Variants in NAAA observed in about 807,000 individuals in gnomAD.
NAAA encodes the protein N-acylethanolamine acid amidase.
Under a neutral mutation model 44.8 loss-of-function variants are expected in NAAA, and 39 were observed. The ratio of observed to expected loss-of-function variants is 0.87; its 90% CI spans 0.67 to 1.14. The LOEUF is 1.14. Ranked by LOEUF, NAAA falls within the 50% of genes most tolerant of loss-of-function variation. The pLI, the probability that NAAA is intolerant of heterozygous loss-of-function variation, is 0.00. For synonymous variants in NAAA, 178 were observed against 191.3 expected, an observed-to-expected ratio of 0.93 and a Z score of 0.58; for missense variants, 460 against 467.8, an observed-to-expected ratio of 0.98 and a Z score of 0.15.
intron 9 of NAAA, chr4:75,917,162 T>G: frequency 1.2e-6 from 1 of 855,378 alleles, no homozygotes; most frequent in Non-Finnish European, 1.4e-6. Context: ...AAAAAATGAC[T>G]ATTAAAAGGG....
intron 4 of NAAA, among the ~76,000 whole-genome samples, chr4:75,927,837 A>T (rs1726875018): frequency 1.3e-5 from 2 of 152,168 alleles, no homozygotes; most frequent in Admixed American, 1.3e-4. Context: ...ATTTCTCCAA[A>T]GAAGATATAC....
At chr4:75,921,420 G>A (rs1022785339) in intron 5 of NAAA, among the ~76,000 whole-genome samples, 1 of 152,126 alleles carries the variant, frequency 6.6e-6, no homozygotes, top group Admixed American at 6.5e-5. Flanking sequence ...CCTCACAAAG[G>A]ACTTTTTGTG....
chr4:75,920,647 C>T, intron 7 of NAAA, 91 bp downstream of exon 7: 1 of 1,485,696 alleles, frequency 6.7e-7, no homozygotes, highest in South Asian at 1.1e-5. Context: ...GAGGATAGCA[C>T]CCATAGGTCT....
chr4:75,932,668 AT>A (rs567881252), intron 3 of NAAA, among the ~76,000 whole-genome samples: 5 of 150,650 alleles, frequency 3.3e-5, no homozygotes, highest in African/African-American at 4.9e-5. Flanking sequence ...TATATACAAA[AT>A]TTTTTTTTGC....
intron 5 of NAAA, among the ~76,000 whole-genome samples, chr4:75,925,396 G>T (rs910782649): frequency 2.0e-5 from 3 of 152,104 alleles, no homozygotes; most frequent in Admixed American, 2.0e-4. Context: ...AACCGATCCC[G>T]CCTTTCCACT....
chr4:75,912,426 C>A (rs575483554), downstream of NAAA, among the ~76,000 whole-genome samples: 9 of 151,894 alleles, frequency 5.9e-5, no homozygotes, highest in Admixed American at 5.9e-4. Context: ...TGGTGGCACA[C>A]GCCTGTAATC....
Position 75,939,719 on chromosome 4 carries a change from A to G in NAAA, c.371+282T>C, listed in dbSNP as rs1728059424. ...TGTGAGCCAACGCGCCCGGCCTTTGAGCAGAATTTTAAAAGTACGCTACCT... is the reference window on the plus strand; with the variant it reads ...TGTGAGCCAACGCGCCCGGCCTTTGGGCAGAATTTTAAAAGTACGCTACCT... On this transcript the variant is annotated intron_variant, in intron 2 of 10. Coordinates refer to ENST00000286733, the MANE Select transcript of NAAA (RefSeq NM_014435.4). 1.8e-5 allele frequency: 7 copies of G among 387,056 alleles called. No individual in the cohort carries two copies. The South Asian group carries it at 2.1e-4, about 12-fold the overall frequency. 24.0% of individuals were successfully genotyped at this position (387,056 alleles called of 1,614,324 possible). A position where few individuals can be genotyped will look rare whatever the true frequency, so the allele number is the denominator to read the frequency against.
downstream of NAAA, among the ~76,000 whole-genome samples, chr4:75,910,810 C>T (rs576513595): frequency 6.6e-6 from 1 of 152,316 alleles, no homozygotes; most frequent in South Asian, 2.1e-4. Flanking sequence ...TTATCACTGT[C>T]ACACACATCT....
chr4:75,914,757 CT>C, intron 10 of NAAA, 110 bp downstream of exon 10: 1 of 650,864 alleles, frequency 1.5e-6, no homozygotes, highest in Non-Finnish European at 2.5e-6. Context: ...ATGCCAGATG[CT>C]TGTCAGAAAA....
chr4:75,916,079 T>C (rs981059020), intron 9 of NAAA, among the ~76,000 whole-genome samples: 3 of 152,328 alleles, frequency 2.0e-5, no homozygotes. Context: ...ACTTTAGTCA[T>C]AGTTCTGCTC....
At chr4:75,917,601 G>A (rs1191673593) in intron 9 of NAAA, 1 of 180,902 alleles carries the variant, frequency 5.5e-6, no homozygotes, top group East Asian at 1.6e-4. Flanking sequence ...AAGTAGCTGT[G>A]ATAACAGGCG....
chr4:75,914,834 C>T, intron 10 of NAAA, 34 bp downstream of exon 10: 1 of 1,517,396 alleles, frequency 6.6e-7, no homozygotes, highest in South Asian at 1.1e-5. Flanking sequence ...ACACACCCAC[C>T]TCACCCCCTC....
intron 5 of NAAA, among the ~76,000 whole-genome samples, chr4:75,924,013 TTAC>T (rs1726427575): frequency 6.6e-6 from 1 of 152,196 alleles, no homozygotes; most frequent in Non-Finnish European, 1.5e-5. Context: ...TGTAAATCAG[TTAC>T]CACCTCCTCA....
Position 75,914,318 on chromosome 4 carries a change from T to C in NAAA, c.*57A>G. ...TTTTTAAGGTGCAGCTCTTCAAGAA[T>C]TTCATTTTTTAAAAAATCATCTGTA... On this transcript the variant is annotated 3_prime_UTR_variant, in exon 11 of 11. Coordinates refer to ENST00000286733, the MANE Select transcript of NAAA (RefSeq NM_014435.4). 1 of 983,736 alleles carries C rather than the reference T, an allele frequency of 1.0e-6. No individual in the cohort carries two copies. Among genetic ancestry groups the C allele is most frequent in the Non-Finnish European group, 1.2e-6 (1 of 828,132 alleles). The allele number at this position is 983,736 out of a possible 1,614,324, so 60.9% of individuals were successfully genotyped here. A position where few individuals can be genotyped will look rare whatever the true frequency, so the allele number is the denominator to read the frequency against.
intron 3 of NAAA, 75 bp downstream of exon 3, chr4:75,936,034 C>G (rs1727675679): frequency 1.4e-5 from 22 of 1,560,770 alleles, no homozygotes; most frequent in Non-Finnish European, 1.9e-5. Context: ...CTTAAGTTAG[C>G]AGGCCATCCA....
At chr4:75,915,033 G>A in intron 9 of NAAA, 48 bp from the exon 10 acceptor site, 1 of 1,372,080 alleles carries the variant, frequency 7.3e-7, no homozygotes, top group Non-Finnish European at 1.0e-6. Flanking sequence ...TCTCTAATAT[G>A]CCAGAAAGGG....
At chr4:75,911,382 T>A, downstream of NAAA, 1 of 486,042 alleles carries the variant, frequency 2.1e-6, no homozygotes, top group South Asian at 1.5e-5. Context: ...TTCACTGAGA[T>A]CATACTATTG....
chr4:75,936,763 C>T (rs1334353968), intron 2 of NAAA, among the ~76,000 whole-genome samples: 2 of 152,182 alleles, frequency 1.3e-5, no homozygotes, highest in Non-Finnish European at 2.9e-5. Flanking sequence ...TTTCTCTCTC[C>T]AGCTCCTTGC....
At chr4:75,915,585 T>C (rs1443522541) in intron 9 of NAAA, among the ~76,000 whole-genome samples, 1 of 152,034 alleles carries the variant, frequency 6.6e-6, no homozygotes, top group Non-Finnish European at 1.5e-5. Flanking sequence ...ACACAAACCC[T>C]GGAAGTGGAG....
Sources: allele counts gnomAD v4.1 joint callset (sites outside exome capture counted in the v4.1 genomes callset), GRCh38; gene constraint gnomAD v4.1.1; transcripts MANE v1.5; gene names NCBI Gene and HGNC (gene_info 2026-07-23, HGNC 2026-07-21).